The following DISP3 variants were observed in gnomAD, a reference collection of about 807,000 sequenced individuals.
DISP3 encodes the protein protein dispatched homolog 3.
A neutral mutation model predicts 135.3 loss-of-function variants in DISP3; 101 were observed. That is an observed-to-expected ratio of 0.75 (90% CI 0.64 to 0.88). The LOEUF (loss-of-function observed/expected upper bound fraction) is 0.88, where lower values mean the gene tolerates loss of function less well. DISP3 is among the 40% of genes least tolerant of loss of function. The pLI is 0.00. For synonymous variants in DISP3, 856 were observed against 817.0 expected, an observed-to-expected ratio of 1.05 and a Z score of -0.81; for missense variants, 1,713 against 1,878.6, an observed-to-expected ratio of 0.91 and a Z score of 1.63.
At chr1:11,484,923 A>G (rs115938510) in intron 1 of DISP3, among the ~76,000 whole-genome samples, 1,812 of 152,272 alleles carry the variant, frequency 0.012, 31 homozygotes, top group African/African-American at 0.04. Flanking sequence ...CCATCTCACA[A>G]GCATCTGCCT....
At chr1:11,509,893 A>G (rs1439340124) in intron 3 of DISP3, among the ~76,000 whole-genome samples, 2 of 152,102 alleles carry the variant, frequency 1.3e-5, no homozygotes, top group Non-Finnish European at 2.9e-5. Context: ...AAGGTCAGGA[A>G]ATCGAGACCA....
intron 1 of DISP3, among the ~76,000 whole-genome samples, 177 bp from the exon 2 acceptor site, chr1:11,500,813 A>AT (rs1160498245): frequency 1.1e-4 from 16 of 152,230 alleles, no homozygotes; most frequent in Non-Finnish European, 1.6e-4. Flanking sequence ...TTTTCTCTGT[A>AT]TTTTTTACCG....
intron 15 of DISP3, 112 bp downstream of exon 15, chr1:11,530,071 A>C: frequency 7.0e-7 from 1 of 1,420,054 alleles, no homozygotes; most frequent in Non-Finnish European, 9.5e-7. Flanking sequence ...TTGGCTCCTC[A>C]ATGGCTCCTC....
chr1:11,485,940 C>T (rs1216357388), intron 1 of DISP3, among the ~76,000 whole-genome samples: 2 of 152,146 alleles, frequency 1.3e-5, no homozygotes, highest in East Asian at 3.9e-4. Context: ...TGATTTGGGC[C>T]TTTGAGGATG....
chr1:11,505,570 T>G (rs1039842637), intron 3 of DISP3, among the ~76,000 whole-genome samples: 1 of 152,242 alleles, frequency 6.6e-6, no homozygotes, highest in Non-Finnish European at 1.5e-5. Context: ...ACTTAAGCGC[T>G]TTTGGATGAA....
At position 11,520,798 on chromosome 1, in the gene DISP3, A is replaced by G; in HGVS notation, c.2312A>G (p.Asp771Gly). 3 of 1,613,116 alleles carry G rather than the reference A, an allele frequency of 1.9e-6. No individual in the cohort carries two copies. The highest frequency in any genetic ancestry group is 2.5e-6 in the Non-Finnish European group (3 of 1,179,886). ...RPDTNIQVLL[D>G]LKYNLSAEGI... ...GATACCAACATCCAGGTGCTGCTGG[A>G]CCTCAAGTACAACCTGAGCGCCGAG... The change falls in exon 10 of 21, where the codon GAC (aspartate) becomes GGC (glycine). Residue 771 changes from aspartate to glycine, a missense_variant. Coordinates refer to ENST00000294484, the MANE Select transcript of DISP3 (RefSeq NM_020780.2). The surrounding 1 kb of genome is among the most constrained non-coding windows in gnomAD (Gnocchi z 4.8).
chr1:11,522,953 A>AGGACCCAG lies in DISP3; in HGVS notation c.2363-989_2363-988insGGACCCAG, dbSNP rs1557615821. ...CCAGCCAGGACCCAGCCAGAGCCCA[A>AGGACCCAG]CCAGGACCCAGCCAGGACCCAGCCG... is the stretch of plus-strand genomic sequence containing the variant. On this transcript the variant is annotated intron_variant, in intron 10 of 20. Coordinates refer to ENST00000294484, the MANE Select transcript of DISP3 (RefSeq NM_020780.2). 1.2e-3 allele frequency among the ~76,000 whole-genome samples: 102 copies of AGGACCCAG among 83,194 alleles called. 9 individuals are homozygous for AGGACCCAG. Among genetic ancestry groups the AGGACCCAG allele is most frequent in the African/African-American group, 3.9e-3 (87 of 22,546 alleles). The allele number at this position is 83,194 out of a possible 152,430, so 54.6% of individuals were successfully genotyped here.
chr1:11,488,714 T>C (rs977948899), intron 1 of DISP3, among the ~76,000 whole-genome samples: 2 of 147,166 alleles, frequency 1.4e-5, no homozygotes, highest in East Asian at 2.0e-4. Flanking sequence ...CAAGTGGGGG[T>C]TGGGAGGACT....
chr1:11,480,417 C>T (rs1183357270), intron 1 of DISP3, among the ~76,000 whole-genome samples: 1 of 152,136 alleles, frequency 6.6e-6, no homozygotes, highest in East Asian at 1.9e-4. Context: ...ACACACCCAC[C>T]CACAATCCTC....
intron 17 of DISP3, chr1:11,533,876 TG>T: frequency 1.4e-6 from 1 of 717,214 alleles, no homozygotes. Flanking sequence ...CTCTCGGGAC[TG>T]GGCACTGTGG....
intron 10 of DISP3, among the ~76,000 whole-genome samples, chr1:11,522,636 C>G (rs866732512): frequency 1.8e-5 from 2 of 113,702 alleles, no homozygotes; most frequent in Non-Finnish European, 4.0e-5. Context: ...AGAGCCCAGC[C>G]AGAGCCCAGC....
rs572360535 is a variant in DISP3 at position 11,496,323 on chromosome 1, C to T, written c.-3-4667C>T. Among the ~76,000 whole-genome samples, 39 of 152,260 alleles carry T rather than the reference C, an allele frequency of 2.6e-4. 1 individual carries two copies. In the South Asian group the frequency reaches 7.5e-3, roughly 29 times the overall value. On this transcript the variant is annotated intron_variant, in intron 1 of 20. Transcript: ENST00000294484. ...TTGATTCATGGGCCCCGGCAAGGCC[C>T]AGAGTTTAATTTTTGACTACCTCTG...
In DISP3 at chr1:11,516,082, C is replaced by T. The variant is rs1642003806; in HGVS notation, c.1670C>T (p.Thr557Ile). The change falls in exon 6 of 21, where the codon ACC becomes ATC. Residue 557 changes from threonine (T) to isoleucine (I), a missense_variant. Around this residue, in one of 2 missense-constraint regions of DISP3, gnomAD observed 1,142 missense variants for 1,384.6 expected, o/e 0.82. Coordinates refer to ENST00000294484, the MANE Select transcript of DISP3 (RefSeq NM_020780.2). The surrounding 1 kb of genome is among the most constrained non-coding windows in gnomAD (Gnocchi z 5.1). ...GACCCACAGCTGCGCATGATCCACA[C>T]CGTCCAAACTGCAGGCAAGGCCACC... ...LEDPQLRMIH[T>I]VQTAGKATFF... The T allele has an allele frequency of 3.7e-6, 6 of 1,614,084 alleles. No homozygotes were observed. The highest frequency in any genetic ancestry group is 5.1e-6 in the Non-Finnish European group (6 of 1,180,038).
Position 11,499,268 on chromosome 1 carries a change from G to A in DISP3, c.-3-1722G>A, listed in dbSNP as rs567415751. ...CCCCACAAGGCAGGCTGAGGCACGGGCAGGATGGATGGGTTTAGTTCCCAG... is the reference window on the plus strand; with the variant it reads ...CCCCACAAGGCAGGCTGAGGCACGGACAGGATGGATGGGTTTAGTTCCCAG... On this transcript the variant is annotated intron_variant, in intron 1 of 20. Coordinates refer to ENST00000294484, the MANE Select transcript of DISP3 (RefSeq NM_020780.2). This position sits in a 1 kb window ranked among gnomAD's most constrained non-coding sequence, Gnocchi z 5.2. Among the ~76,000 whole-genome samples the A allele has an allele frequency of 2.0e-5, 3 of 152,276 alleles. No homozygotes were observed. The highest frequency in any genetic ancestry group is 2.9e-5 in the Non-Finnish European group (2 of 68,022).
In DISP3 at chr1:11,526,643, C is replaced by T. The variant is rs772888651; in HGVS notation, c.2614-8C>T. 21 of 1,607,310 alleles carry T rather than the reference C, an allele frequency of 1.3e-5. No individual in the cohort carries two copies. In the East Asian group the frequency reaches 4.0e-4, roughly 31 times the overall value. On this transcript the variant is annotated splice_region_variant and splice_polypyrimidine_tract_variant and intron_variant, in intron 12 of 20. Transcript: ENST00000294484. ...CATGTGTCTTGTCTCTGTCAACCCA[C>T]TGCTTAGGTGTATAGAGCGCCTTTT... is the stretch of plus-strand genomic sequence containing the variant.
Position 11,531,174 on chromosome 1 carries a change from G to C in DISP3, c.3229+141G>C, listed in dbSNP as rs927760233. 1.4e-5 allele frequency: 19 copies of C among 1,366,544 alleles called. No individual in the cohort carries two copies. The highest frequency in any genetic ancestry group is 2.1e-5 in the Admixed American group (1 of 46,992). 84.7% of individuals were successfully genotyped at this position (1,366,544 alleles called of 1,614,324 possible). On this transcript the variant is annotated intron_variant, in intron 16 of 20. Transcript: ENST00000294484. This position sits in a 1 kb window ranked among gnomAD's most constrained non-coding sequence, Gnocchi z 5.2. The stretch of plus-strand genomic sequence containing the variant: ...TTTTGCAGATGTGTATCTGTGCTGA[G>C]CATGTCCACACCAGGGTGGGGTGTG...
Position 11,535,573 on chromosome 1 carries a change from G to C in DISP3, c.3745G>C (p.Val1249Leu), listed in dbSNP as rs770058145. The change falls in exon 20 of 21, where the codon GTG becomes CTG. Residue 1249 changes from valine (V) to leucine (L), a missense_variant. Transcript: ENST00000294484. ...ISLSILVGSS[V>L]DYCVHLVEGY... The stretch of plus-strand genomic sequence containing the variant: ...CCTGTCCATCCTCGTTGGCTCCTCC[G>C]TGGATTACTGCGTCCACCTGGTCGA... 1 of 1,613,422 alleles carries C rather than the reference G, an allele frequency of 6.2e-7. No individual in the cohort carries two copies. The highest frequency in any genetic ancestry group is 1.1e-5 in the South Asian group (1 of 91,080).
chr1:11,485,360 C>T (rs1340807654), intron 1 of DISP3, among the ~76,000 whole-genome samples: 1 of 152,188 alleles, frequency 6.6e-6, no homozygotes, highest in East Asian at 1.9e-4. Context: ...CTCCGCCCAG[C>T]CATCTGCTCG....
chr1:11,515,517 G>C lies in DISP3; in HGVS notation c.1588+14G>C, dbSNP rs1641984831. ...TCGTGGGCATTGGTGAGTCGCCTCT[G>C]TTGTCATGGCAGTGCGCCTCCCACA... On this transcript the variant is annotated intron_variant, in intron 5 of 20. Coordinates refer to ENST00000294484, the MANE Select transcript of DISP3 (RefSeq NM_020780.2). 8 of 1,591,532 alleles carry C rather than the reference G, an allele frequency of 5.0e-6. No individual in the cohort carries two copies. The highest frequency in any genetic ancestry group is 6.8e-6 in the Non-Finnish European group (8 of 1,169,258).
Sources: gnomAD v4.1 joint callset for allele counts (sites outside exome capture counted in the v4.1 genomes callset) on GRCh38, gnomAD v4.1.1 for gene constraint, gnomAD v4.1.1 regional missense constraint, Gnocchi (gnomAD v3.1) non-coding constraint, MANE v1.5 for transcripts, NCBI Gene and HGNC (gene_info 2026-07-23, HGNC 2026-07-21) for gene names.